NRXN3: variants seen among roughly 807,000 people sequenced by gnomAD.
The protein encoded by NRXN3 is neurexin III.
A neutral mutation model predicts 137.6 loss-of-function variants in NRXN3; 32 were observed. The ratio of observed to expected loss-of-function variants is 0.23; its 90% CI spans 0.18 to 0.31. The LOEUF (loss-of-function observed/expected upper bound fraction) is 0.31. Among genes scored for constraint, NRXN3 ranks in the 10% least tolerant of loss-of-function variants. The probability of loss-of-function intolerance (pLI) is 1.00; values close to 1 mark genes in which losing one functional copy is unlikely to be tolerated. For missense variants in NRXN3, 1,574 were observed against 2,062.5 expected, an observed-to-expected ratio of 0.76 and a Z score of 4.59; for synonymous variants, 798 against 784.5, an observed-to-expected ratio of 1.02 and a Z score of -0.29.
intron 4 of NRXN3, among the ~76,000 whole-genome samples, chr14:78,577,042 C>G (rs1378224111): frequency 6.6e-6 from 1 of 152,118 alleles, no homozygotes; most frequent in African/African-American, 2.4e-5. Context: ...TAATTCTTTA[C>G]TTGCAGAATA....
At chr14:78,967,450 T>C (rs1567848951) in intron 13 of NRXN3, 52 bp downstream of exon 13, 1 of 1,350,056 alleles carries the variant, frequency 7.4e-7, no homozygotes, top group Non-Finnish European at 1.0e-6. Context: ...TTACAATAGA[T>C]AGACTATTTC....
Position 78,573,477 on chromosome 14 carries a change from G to A in NRXN3, c.758-71643G>A, listed in dbSNP as rs537438282. 1.3e-4 allele frequency among the ~76,000 whole-genome samples: 20 copies of A among 152,294 alleles called. 1 individual carries two copies. Among genetic ancestry groups the A allele is most frequent in the Non-Finnish European group, 2.1e-4 (14 of 68,016 alleles). ...CAATGAAGTCCTCAGATGGGGATGA[G>A]GAACTTGGTGGGAACTGGAATAAAA... On this transcript the variant is annotated intron_variant, in intron 4 of 20. Transcript: ENST00000335750.
intron 15 of NRXN3, among the ~76,000 whole-genome samples, chr14:79,169,919 A>G (rs920956451): frequency 2.0e-5 from 3 of 152,078 alleles, no homozygotes; most frequent in Non-Finnish European, 4.4e-5. Context: ...GATTGAGACT[A>G]CAGAATACAT....
chr14:78,198,924 G>A (rs1245849449), intron 1 of NRXN3, among the ~76,000 whole-genome samples: 2 of 152,174 alleles, frequency 1.3e-5, no homozygotes, highest in African/African-American at 2.4e-5. Context: ...ATTCCTGTGA[G>A]GGCCAGCTAA....
intron 20 of NRXN3, among the ~76,000 whole-genome samples, chr14:79,845,558 C>CAGAG (rs757669100): frequency 7.1e-6 from 1 of 141,550 alleles, no homozygotes; most frequent in African/African-American, 2.6e-5. Flanking sequence ...CAAGGATAGA[C>CAGAG]AGAGAGAGAG....
At chr14:78,901,232 T>C (rs1025836524) in intron 10 of NRXN3, among the ~76,000 whole-genome samples, 4 of 152,030 alleles carry the variant, frequency 2.6e-5, no homozygotes, top group Non-Finnish European at 5.9e-5. Flanking sequence ...CCATTTTTTT[T>C]TCCATGTGTC....
At chr14:79,459,681 ATAT>A (rs1351127101) in intron 15 of NRXN3, among the ~76,000 whole-genome samples, 1 of 152,064 alleles carries the variant, frequency 6.6e-6, no homozygotes, top group Non-Finnish European at 1.5e-5. Flanking sequence ...GAGTTTTGAA[ATAT>A]TATACTGTAT....
At chr14:78,767,624 A>G (rs2098713259) in intron 8 of NRXN3, among the ~76,000 whole-genome samples, 1 of 152,248 alleles carries the variant, frequency 6.6e-6, no homozygotes, top group South Asian at 2.1e-4. Context: ...GAGTTGTGAA[A>G]TGCTTGGGAA....
intron 4 of NRXN3, among the ~76,000 whole-genome samples, chr14:78,607,639 G>T (rs1272887835): frequency 1.3e-5 from 2 of 152,278 alleles, no homozygotes; most frequent in Non-Finnish European, 2.9e-5. Context: ...ATCATGGAGA[G>T]CTTTCAGATG....
chr14:78,341,687 G>A lies in NRXN3; in HGVS notation c.757+43827G>A, dbSNP rs577248393. Among the ~76,000 whole-genome samples the A allele has an allele frequency of 5.9e-5, 9 of 152,248 alleles. No individual in the cohort carries two copies. The South Asian group carries it at 1.0e-3, about 18-fold the overall frequency. ...GGGAAGGCTTGTACTAGAAGTCTAC[G>A]ATTTCAGGAGTTCAGAAAGGATTGC... On this transcript the variant is annotated intron_variant, in intron 4 of 20. Coordinates refer to ENST00000335750, the MANE Select transcript of NRXN3 (RefSeq NM_001330195.2).
chr14:78,752,966 G>A (rs896850687), intron 8 of NRXN3, among the ~76,000 whole-genome samples: 14 of 152,146 alleles, frequency 9.2e-5, no homozygotes, highest in Admixed American at 5.9e-4. Context: ...ATTGGCCCAC[G>A]CACACTGCAG....
chr14:78,717,964 G>T (rs1313485227), intron 8 of NRXN3, among the ~76,000 whole-genome samples: 1 of 152,090 alleles, frequency 6.6e-6, no homozygotes, highest in African/African-American at 2.4e-5. Flanking sequence ...AAGCTTTCTT[G>T]GATTTTAGAT....
chr14:78,963,235 T>A (rs905132007), intron 11 of NRXN3, among the ~76,000 whole-genome samples: 4 of 152,166 alleles, frequency 2.6e-5, no homozygotes, highest in Non-Finnish European at 5.9e-5. Context: ...ATCCTGGAGA[T>A]CAATTCATCC....
rs191466499 is a variant in NRXN3 at position 78,911,997 on chromosome 14, G to A, written c.2276-45245G>A. Among the ~76,000 whole-genome samples the A allele has an allele frequency of 9.9e-5, 15 of 151,570 alleles. No homozygotes were observed. In the East Asian group the frequency reaches 3.0e-3, roughly 30 times the overall value. ...AGGTTTGTTACATATGTATACATGTGCCATGTTGGTGTGCTGCACCCATTA... is the reference window on the plus strand; with the variant it reads ...AGGTTTGTTACATATGTATACATGTACCATGTTGGTGTGCTGCACCCATTA... On this transcript the variant is annotated intron_variant, in intron 10 of 20. Transcript: ENST00000335750.
chr14:79,687,098 G>A (rs982713664), intron 17 of NRXN3, among the ~76,000 whole-genome samples: 1 of 152,162 alleles, frequency 6.6e-6, no homozygotes, highest in African/African-American at 2.4e-5. Flanking sequence ...CATATAAATA[G>A]TTCTTTTTCC....
rs115259945 is a variant in NRXN3, at chr14:78,288,353, A to G, written c.728-9478A>G. On this transcript the variant is annotated intron_variant, in intron 3 of 20. Transcript: ENST00000335750. Reference sequence around the variant, plus strand: ...ACCTTAGCCTTAATAAAAAAAGATTATAGTATTAATTGAACTTAATGTCAG... The same window carrying G: ...ACCTTAGCCTTAATAAAAAAAGATTGTAGTATTAATTGAACTTAATGTCAG... 6.4e-3 allele frequency among the ~76,000 whole-genome samples: 979 copies of G among 152,328 alleles called. 10 individuals are homozygous for G. The highest frequency in any genetic ancestry group is 0.023 in the African/African-American group (948 of 41,564).
chr14:78,887,415 A>G (rs1489691453), intron 10 of NRXN3, among the ~76,000 whole-genome samples: 1 of 151,944 alleles, frequency 6.6e-6, no homozygotes, highest in Non-Finnish European at 1.5e-5. Context: ...ATCTTTTAGT[A>G]GTAAAATTTT....
chr14:79,019,968 T>G (rs781132100), intron 15 of NRXN3, among the ~76,000 whole-genome samples: 58 of 151,956 alleles, frequency 3.8e-4, no homozygotes, highest in Non-Finnish European at 7.5e-4. Flanking sequence ...GTTAAAAATT[T>G]AGGAGAGAGA....
At chr14:78,539,834 ATCT>A (rs900361590) in intron 4 of NRXN3, among the ~76,000 whole-genome samples, 17 of 152,204 alleles carry the variant, frequency 1.1e-4, no homozygotes, top group African/African-American at 4.1e-4. Context: ...TTCAAAGAAC[ATCT>A]TTATTTCTGC....
Sources: allele counts gnomAD v4.1 joint callset (sites outside exome capture counted in the v4.1 genomes callset), GRCh38; gene constraint gnomAD v4.1.1; transcripts MANE v1.5; gene names NCBI Gene and HGNC (gene_info 2026-07-23, HGNC 2026-07-21).